ZNF473: variants seen among roughly 807,000 people sequenced by gnomAD.
The protein encoded by ZNF473 is zinc finger protein 473, also known as zinc finger protein 100 homolog.
ZNF473 carries 4 observed loss-of-function variants against 11.1 expected under a neutral mutation model. That is an observed-to-expected ratio of 0.36 (90% CI 0.18 to 0.82). The LOEUF (loss-of-function observed/expected upper bound fraction) is 0.82, where lower values mean the gene tolerates loss of function less well. ZNF473 is among the 40% of genes least tolerant of loss of function. ZNF473 has a pLI of 0.49. For synonymous variants in ZNF473, 404 were observed against 390.4 expected (o/e 1.03, Z -0.41); for missense variants, 854 against 1,084.0 (o/e 0.79, Z 2.98).
Position 50,046,940 on chromosome 19 carries a change from C to G in ZNF473, c.2497C>G (p.Leu833Val), listed in dbSNP as rs894529771. Residue 833 changes from leucine (L) to valine (V), a missense_variant, in exon 5 of 5, where the codon CTG becomes GTG. By Grantham distance (32) the Leu-to-Val change is conservative. Transcript: ENST00000270617. The surrounding 1 kb of genome is among the most constrained non-coding windows in gnomAD (Gnocchi z 5.9). ...FVLSAHLNQH[L>V]RVHTQETLYQ... ...CCTCAGTGCCCATCTCAACCAGCAC[C>G]TGAGAGTTCACACCCAGGAGACACT... 5.0e-6 allele frequency: 8 copies of G among 1,614,036 alleles called. No individual in the cohort carries two copies. Among genetic ancestry groups the G allele is most frequent in the Non-Finnish European group, 6.8e-6 (8 of 1,180,044 alleles).
intron 1 of ZNF473, among the ~76,000 whole-genome samples, chr19:50,027,296 T>C (rs1259909946): frequency 6.6e-6 from 1 of 152,156 alleles, no homozygotes; most frequent in African/African-American, 2.4e-5. Flanking sequence ...AGGTGAAGTT[T>C]TGCGGTCAGT....
chr19:50,035,616 T>TC (rs2122818668), intron 2 of ZNF473, among the ~76,000 whole-genome samples: 1 of 152,266 alleles, frequency 6.6e-6, no homozygotes, highest in South Asian at 2.1e-4. Flanking sequence ...AGGGGCTGGC[T>TC]CGTAGTAGGT....
chr19:50,029,789 G>T (rs1600749551), intron 1 of ZNF473, among the ~76,000 whole-genome samples: 1 of 152,198 alleles, frequency 6.6e-6, no homozygotes, highest in Non-Finnish European at 1.5e-5. Context: ...TTACATTGCA[G>T]GGTAAGTATT....
At chr19:50,033,514 C>G (rs759352971) in intron 2 of ZNF473, among the ~76,000 whole-genome samples, 15 of 152,134 alleles carry the variant, frequency 9.9e-5, no homozygotes, top group Non-Finnish European at 2.1e-4. Context: ...ACAGGATCCC[C>G]CTTGCTCGTC....
chr19:50,042,974 T>G lies in ZNF473; in HGVS notation c.226+1155T>G, dbSNP rs527584306. ...GTTTTAATTCCAGGCAGAGAGACTT[T>G]AAGCAGTCTCATAGATACTCAGATG... is the stretch of plus-strand genomic sequence containing the variant. On this transcript the variant is annotated intron_variant, in intron 4 of 4. Transcript: ENST00000270617. 5.3e-5 allele frequency among the ~76,000 whole-genome samples: 8 copies of G among 152,282 alleles called. No homozygotes were observed. In the South Asian group the frequency reaches 1.7e-3, roughly 32 times the overall value.
In ZNF473 at chr19:50,039,012, C is replaced by A; in HGVS notation, c.10-149C>A. 1.0e-6 allele frequency: 1 copy of A among 998,228 alleles called. No individual in the cohort carries two copies. The highest frequency in any genetic ancestry group is 1.5e-6 in the Non-Finnish European group (1 of 673,716). 61.8% of individuals were successfully genotyped at this position (998,228 alleles called of 1,614,324 possible). ...CCTACAAAATACAGGGGTTTCCAGT[C>A]TCTTACATCTCAAGATTCTTGTGAG... On this transcript the variant is annotated intron_variant, in intron 2 of 4. Coordinates refer to ENST00000270617, the MANE Select transcript of ZNF473 (RefSeq NM_015428.4). This position sits in a 1 kb window ranked among gnomAD's most constrained non-coding sequence, Gnocchi z 4.8.
chr19:50,029,887 T>A (rs1380735517), intron 1 of ZNF473, among the ~76,000 whole-genome samples: 1 of 152,106 alleles, frequency 6.6e-6, no homozygotes, highest in Non-Finnish European at 1.5e-5. Flanking sequence ...AGTCTCACTG[T>A]GTTGCCCAGG....
In ZNF473 at chr19:50,039,169, G is replaced by C. The variant is rs771206087; in HGVS notation, c.18G>C (p.Val6=). The C allele has an allele frequency of 6.2e-7, 1 of 1,613,922 alleles. No homozygotes were observed. Among genetic ancestry groups the C allele is most frequent in the Admixed American group, 1.7e-5 (1 of 60,004 alleles). The change falls in exon 3 of 5, where the codon GTG becomes GTC. Residue 6 remains valine (V), a synonymous_variant. Transcript: ENST00000270617. This position sits in a 1 kb window ranked among gnomAD's most constrained non-coding sequence, Gnocchi z 4.8. MAEEF[V]TLKDVGMDFT... ...AGTGTACTGTGTTTCAGGAATTTGT[G>C]ACCCTCAAGGATGTCGGCATGGACT...
At chr19:50,031,771 A>G (rs1426187411) in intron 2 of ZNF473, among the ~76,000 whole-genome samples, 1 of 152,174 alleles carries the variant, frequency 6.6e-6, no homozygotes, top group Admixed American at 6.5e-5. Context: ...GGAACACAGG[A>G]AGCCTCATGA....
At chr19:50,042,370 A>G (rs1007178343) in intron 4 of ZNF473, 1 of 152,246 alleles carries the variant, frequency 6.6e-6, no homozygotes, top group Non-Finnish European at 1.5e-5. Context: ...TACCCATGGT[A>G]GAGACGTCCC....
rs1568408902 is a variant in ZNF473 at position 50,041,730 on chromosome 19, AC to A, written c.143del (p.Pro48GlnfsTer5). ...LDNCQDLFLL[D>X]PPRPNLTSHP... is the part of the protein sequence containing the mutation. ...TGACAATGCTTTTCTCTCCCTGCAG[AC>A]CCCCCAAGACCCAACCTGACCTCCC... On this transcript the variant is annotated frameshift_variant and splice_region_variant, in exon 4 of 5. Transcript: ENST00000270617. LOFTEE classifies it high-confidence loss of function. 1.2e-6 allele frequency: 2 copies of A among 1,602,598 alleles called. No individual in the cohort carries two copies. Among genetic ancestry groups the A allele is most frequent in the South Asian group, 2.2e-5 (2 of 89,816 alleles).
chr19:50,044,581 A>G, intron 4 of ZNF473, 89 bp from the exon 5 acceptor site: 1 of 1,089,812 alleles, frequency 9.2e-7, no homozygotes, highest in Admixed American at 2.3e-5. Flanking sequence ...CTTGATGGAT[A>G]GGCTGGACTC....
intron 1 of ZNF473, 136 bp downstream of exon 1, chr19:50,026,258 T>G (rs941833076): frequency 6.6e-6 from 1 of 152,522 alleles, no homozygotes; most frequent in Non-Finnish European, 1.5e-5. Context: ...TGAACCGTCT[T>G]TCACAGTCTG....
At chr19:50,037,035 G>A (rs1256629518) in intron 2 of ZNF473, among the ~76,000 whole-genome samples, 2 of 152,168 alleles carry the variant, frequency 1.3e-5, no homozygotes, top group Non-Finnish European at 2.9e-5. Flanking sequence ...GTGACTCACT[G>A]CACCTAAAGC....
In ZNF473 at chr19:50,045,849, G is replaced by C; in HGVS notation, c.1406G>C (p.Ser469Thr). 3 of 1,614,070 alleles carry C rather than the reference G, an allele frequency of 1.9e-6. No homozygotes were observed. The South Asian group carries it at 3.3e-5, about 18-fold the overall frequency. ...HKCQECVRSFSRPSHLMRHQA... is the reference protein window; with the variant it reads ...HKCQECVRSFTRPSHLMRHQA... ...TGTCAGGAATGCGTCAGGAGTTTCA[G>C]CCGGCCCTCACATCTGATGCGACAT... is the stretch of plus-strand genomic sequence containing the variant. Residue 469 changes from serine to threonine, a missense_variant, in exon 5 of 5, where the codon AGC becomes ACC. Ser to Thr is a moderately conservative substitution (Grantham distance 58). Around this residue, in one of 2 missense-constraint regions of ZNF473, gnomAD observed 668 missense variants for 790.2 expected, o/e 0.85. Transcript: ENST00000270617.
rs1373470572 is a variant in ZNF473 at position 50,030,912 on chromosome 19, GTCC to G, written c.-160_-158del. ...TGCAGGGAGACTCACATTGGGACTT[GTCC>G]TCCTCCTCCTGGACATTTTGGGGGC... On this transcript the variant is annotated 5_prime_UTR_variant, in exon 2 of 5. Coordinates refer to ENST00000270617, the MANE Select transcript of ZNF473 (RefSeq NM_015428.4). 7.9e-6 allele frequency: 7 copies of G among 887,442 alleles called. No homozygotes were observed. The highest frequency in any genetic ancestry group is 3.1e-5 in the South Asian group (2 of 63,788). The allele number at this position is 887,442 out of a possible 1,614,324, so 55.0% of individuals were successfully genotyped here. A position where few individuals can be genotyped will look rare whatever the true frequency, so the allele number is the denominator to read the frequency against.
At chr19:50,027,922 C>T (rs1412055282) in intron 1 of ZNF473, among the ~76,000 whole-genome samples, 1 of 152,160 alleles carries the variant, frequency 6.6e-6, no homozygotes, top group Non-Finnish European at 1.5e-5. Flanking sequence ...CTCCAAACTT[C>T]AGGTGATCCG....
intron 2 of ZNF473, among the ~76,000 whole-genome samples, chr19:50,034,175 C>A (rs558732205): frequency 6.6e-6 from 1 of 152,310 alleles, no homozygotes; most frequent in East Asian, 1.9e-4. Flanking sequence ...ATCCCAGGGT[C>A]TTCTGTCTTT....
rs1979100969 is a variant in ZNF473, at chr19:50,046,099, T to C, written c.1656T>C (p.Asp552=). The change falls in exon 5 of 5, where the codon GAT becomes GAC. Residue 552 remains aspartate, a synonymous_variant. Coordinates refer to ENST00000270617, the MANE Select transcript of ZNF473 (RefSeq NM_015428.4). This position sits in a 1 kb window ranked among gnomAD's most constrained non-coding sequence, Gnocchi z 5.9. Reference sequence around the variant, plus strand: ...TTTTTGTGAGTGGGAAGATCTTGGATCAGAACCCAGAACAGAAAGAGAAGT... The same window carrying C: ...TTTTTGTGAGTGGGAAGATCTTGGACCAGAACCCAGAACAGAAAGAGAAGT... ...QGFFVSGKIL[D]QNPEQKEKCF... is the part of the protein sequence containing the mutation. 1 of 1,614,012 alleles carries C rather than the reference T, an allele frequency of 6.2e-7. No homozygotes were observed. Among genetic ancestry groups the C allele is most frequent in the Non-Finnish European group, 8.5e-7 (1 of 1,180,036 alleles).
Sources: allele counts gnomAD v4.1 joint callset (sites outside exome capture counted in the v4.1 genomes callset), GRCh38; gene constraint gnomAD v4.1.1; regional missense constraint gnomAD v4.1.1; non-coding constraint Gnocchi (gnomAD v3.1); transcripts MANE v1.5; gene names NCBI Gene and HGNC (gene_info 2026-07-23, HGNC 2026-07-21).